The following CCNJL variants were observed in gnomAD, a reference collection of about 807,000 sequenced individuals.
The protein encoded by CCNJL is cyclin J like, also known as cyclin-J-like protein.
In CCNJL, 33 loss-of-function variants were observed where a neutral mutation model predicts 33.4. The ratio of observed to expected loss-of-function variants is 0.99; its 90% CI spans 0.75 to 1.32. The LOEUF is 1.32. Among genes scored for constraint, CCNJL ranks in the 40% most tolerant of loss-of-function variants. The pLI is 0.00. For synonymous variants in CCNJL, 227 were observed against 220.9 expected (o/e 1.03, Z -0.24); for missense variants, 512 against 499.7 (o/e 1.02, Z -0.23).
upstream of CCNJL, among the ~76,000 whole-genome samples, chr5:160,314,202 A>C (rs1763350725): frequency 6.6e-6 from 1 of 152,222 alleles, no homozygotes; most frequent in South Asian, 2.1e-4. Context: ...CTGGGGGGAC[A>C]GACCTGTATT....
rs1198980271 is a variant in CCNJL at position 160,320,789 on chromosome 5, CTTTCTTTCTT to C, written n.207-5294_207-5285del. Among the ~76,000 whole-genome samples, 233 of 35,952 alleles carry C rather than the reference CTTTCTTTCTT, an allele frequency of 6.5e-3. 4 individuals are homozygous for C. The highest frequency in any genetic ancestry group is 0.013 in the African/African-American group (215 of 15,958). The allele number at this position is 35,952 out of a possible 152,430, so 23.6% of individuals were successfully genotyped here. A position where few individuals can be genotyped will look rare whatever the true frequency, so the allele number is the denominator to read the frequency against. ...TTTCTTTCTTTCTTTTCTTTCTTTC[CTTTCTTTCTT>C]TCTTTCTTTCTTTCTTTCTTTCTTT... On this transcript the variant is annotated intron_variant and non_coding_transcript_variant, in intron 1 of 7. Transcript: ENST00000377503.
Position 160,252,234 on chromosome 5 carries a change from TA to T in CCNJL, c.*1143del, listed in dbSNP as rs1156915894. 6.5e-6 allele frequency: 1 copy of T among 152,794 alleles called. No homozygotes were observed. Among genetic ancestry groups the T allele is most frequent in the East Asian group, 1.9e-4 (1 of 5,192 alleles). 9.5% of individuals were successfully genotyped at this position (152,794 alleles called of 1,614,324 possible). On this transcript the variant is annotated 3_prime_UTR_variant, in exon 6 of 6. Coordinates refer to ENST00000257536, the MANE Select transcript of CCNJL (RefSeq NM_001308173.3). ...GGCCCTCTCGCTGCAGATCCCTAAA[TA>T]CTGGCTTTTGATCCAACCAGTCGCT...
chr5:160,285,144 C>T (rs1762362250), intron 2 of CCNJL, among the ~76,000 whole-genome samples: 1 of 151,978 alleles, frequency 6.6e-6, no homozygotes, highest in Non-Finnish European at 1.5e-5. Flanking sequence ...GAGCTGAGAT[C>T]GCACCACTGC....
intron 4 of CCNJL, among the ~76,000 whole-genome samples, 184 bp downstream of exon 4, chr5:160,259,285 A>G (rs903983982): frequency 2.0e-5 from 3 of 152,214 alleles, no homozygotes; most frequent in Admixed American, 6.5e-5. Context: ...TCTCTTTTAC[A>G]TGTTACTGGG....
intron 2 of CCNJL, among the ~76,000 whole-genome samples, chr5:160,300,396 G>C (rs1428625120): frequency 6.6e-6 from 1 of 152,192 alleles, no homozygotes; most frequent in Admixed American, 6.5e-5. Flanking sequence ...AAAGGATTCA[G>C]AGTTCCCTTC....
At chr5:160,254,428 G>T (rs563996432) in intron 5 of CCNJL, 2 of 539,978 alleles carry the variant, frequency 3.7e-6, no homozygotes, top group Non-Finnish European at 6.6e-6. Context: ...GGCATGCACC[G>T]ACACTCAGAC....
intron 3 of CCNJL, among the ~76,000 whole-genome samples, chr5:160,260,901 C>G (rs1202727653): frequency 6.6e-6 from 1 of 152,204 alleles, no homozygotes; most frequent in Non-Finnish European, 1.5e-5. Context: ...ACTCCCACAT[C>G]AGGTGGTGAG....
chr5:160,303,960 C>A (rs1198331325), intron 2 of CCNJL, among the ~76,000 whole-genome samples: 1 of 152,190 alleles, frequency 6.6e-6, no homozygotes, highest in Non-Finnish European at 1.5e-5. Flanking sequence ...CCCCAGCCAA[C>A]CAGGGTGCCC....
At position 160,257,430 on chromosome 5, in the gene CCNJL, G is replaced by A. The variant is rs193050230; in HGVS notation, c.584-1722C>T. Among the ~76,000 whole-genome samples, 10 of 152,044 alleles carry A rather than the reference G, an allele frequency of 6.6e-5. No individual in the cohort carries two copies. The East Asian group carries it at 1.4e-3, about 21-fold the overall frequency. ...GCGGAGCTTGCAGTGAGCCAAGATC[G>A]TGCCACTACACTCCAGCCTGGGTGA... On this transcript the variant is annotated intron_variant, in intron 4 of 5. Coordinates refer to ENST00000257536, the MANE Select transcript of CCNJL (RefSeq NM_001308173.3).
At chr5:160,318,154 T>A (rs1425790382) in intron 1 of CCNJL, among the ~76,000 whole-genome samples, 2 of 152,092 alleles carry the variant, frequency 1.3e-5, no homozygotes, top group East Asian at 3.9e-4. Flanking sequence ...GTAGCTGGGA[T>A]TACAGGCACG....
intron 1 of CCNJL, among the ~76,000 whole-genome samples, chr5:160,336,266 A>G (rs965249913): frequency 3.3e-5 from 5 of 152,244 alleles, no homozygotes; most frequent in Admixed American, 6.5e-5. Context: ...CTTATTTGGA[A>G]AAAGGGTCTT....
intron 2 of CCNJL, among the ~76,000 whole-genome samples, chr5:160,300,140 T>C (rs1451500528): frequency 6.6e-5 from 10 of 152,170 alleles, no homozygotes; most frequent in African/African-American, 2.4e-4. Flanking sequence ...TGGGTATCCA[T>C]GTCACAAGAA....
chr5:160,332,154 T>C (rs1763615112), intron 1 of CCNJL, among the ~76,000 whole-genome samples: 1 of 152,126 alleles, frequency 6.6e-6, no homozygotes. Flanking sequence ...ACTAAGAACA[T>C]AGGAAAAATC....
intron 2 of CCNJL, among the ~76,000 whole-genome samples, chr5:160,290,047 T>C (rs933678852): frequency 1.2e-4 from 18 of 152,180 alleles, no homozygotes; most frequent in African/African-American, 1.9e-4. Context: ...TGAAAGCATT[T>C]TGAGGCTAAC....
chr5:160,305,724 T>C (rs1654313744), intron 2 of CCNJL, among the ~76,000 whole-genome samples: 2 of 152,244 alleles, frequency 1.3e-5, no homozygotes, highest in African/African-American at 4.8e-5. Flanking sequence ...CGCGGTTTCA[T>C]CTCAGACACT....
At chr5:160,277,606 G>A (rs937958783) in intron 3 of CCNJL, among the ~76,000 whole-genome samples, 1 of 152,190 alleles carries the variant, frequency 6.6e-6, no homozygotes, top group African/African-American at 2.4e-5. Context: ...CATGTCCACT[G>A]TGGAATGACG....
At chr5:160,314,745 G>A (rs947794997), upstream of CCNJL, among the ~76,000 whole-genome samples, 2 of 152,206 alleles carry the variant, frequency 1.3e-5, no homozygotes, top group African/African-American at 4.8e-5. Context: ...CACCCTACGT[G>A]CAGAAATGGA....
intron 2 of CCNJL, among the ~76,000 whole-genome samples, chr5:160,305,771 T>C (rs1407929432): frequency 1.3e-5 from 2 of 152,182 alleles, no homozygotes; most frequent in African/African-American, 2.4e-5. Context: ...GTCTGTAAAC[T>C]GGGGTTAATC....
At position 160,311,841 on chromosome 5, in the gene CCNJL, G is replaced by A. The variant is rs374905545; in HGVS notation, c.66+17C>T. On this transcript the variant is annotated intron_variant, in intron 2 of 5. Transcript: ENST00000257536. The stretch of plus-strand genomic sequence containing the variant: ...TGTACCCAGTCTTGAGAGTGACAAG[G>A]GCAGGGAGGGACTGACCTTCTCGCG... 45 of 1,611,318 alleles carry A rather than the reference G, an allele frequency of 2.8e-5. No individual in the cohort carries two copies. Among genetic ancestry groups the A allele is most frequent in the Non-Finnish European group, 3.4e-5 (40 of 1,177,544 alleles).
Sources: gnomAD v4.1 joint callset for allele counts (sites outside exome capture counted in the v4.1 genomes callset) on GRCh38, gnomAD v4.1.1 for gene constraint, MANE v1.5 for transcripts, NCBI Gene and HGNC (gene_info 2026-07-23, HGNC 2026-07-21) for gene names.